ATP8A2: variants seen among roughly 807,000 people sequenced by gnomAD.
ATP8A2 encodes the protein ATPase phospholipid transporting 8A2.
A neutral mutation model predicts 165.6 loss-of-function variants in ATP8A2; 100 were observed. The ratio of observed to expected loss-of-function variants is 0.60; its 90% confidence interval spans 0.51 to 0.71. The LOEUF is 0.71. Ranked by LOEUF, ATP8A2 falls within the 30% of genes least tolerant of loss-of-function variation. The pLI, the probability that ATP8A2 is intolerant of heterozygous loss-of-function variation, is 0.00. For missense variants in ATP8A2, 1,227 were observed against 1,479.5 expected (o/e 0.83, Z 2.80); for synonymous variants, 543 against 548.8 (o/e 0.99, Z 0.15).
rs2093872 is a variant in ATP8A2, at chr13:25,954,833, C to T, written c.3184-6742C>T. On this transcript the variant is annotated intron_variant, in intron 33 of 36. Transcript: ENST00000381655. ...ACAAAAAGGATGTCCACTCAAAAACCCCATCTGAAGGTCACCAACATCAAA... is the reference window on the plus strand; with the variant it reads ...ACAAAAAGGATGTCCACTCAAAAACTCCATCTGAAGGTCACCAACATCAAA... Among the ~76,000 whole-genome samples, 277 of 152,234 alleles carry T rather than the reference C, an allele frequency of 1.8e-3. 1 individual carries two copies. The highest frequency in any genetic ancestry group is 6.3e-3 in the African/African-American group (260 of 41,532).
intron 25 of ATP8A2, among the ~76,000 whole-genome samples, chr13:25,732,281 A>G (rs1025247329): frequency 6.6e-6 from 1 of 152,226 alleles, no homozygotes; most frequent in African/African-American, 2.4e-5. Flanking sequence ...TTGGGAAAGA[A>G]TCTGTACCAG....
chr13:25,854,983 G>T (rs1164652076), intron 30 of ATP8A2, among the ~76,000 whole-genome samples: 1 of 152,152 alleles, frequency 6.6e-6, no homozygotes, highest in Admixed American at 6.5e-5. Context: ...GGGCACGGTG[G>T]CTCATGCCTG....
intron 35 of ATP8A2, among the ~76,000 whole-genome samples, chr13:25,971,657 A>G (rs1332149198): frequency 6.6e-6 from 1 of 152,108 alleles, no homozygotes; most frequent in Non-Finnish European, 1.5e-5. Flanking sequence ...GAGCTGACAC[A>G]CTGGTGCCTG....
chr13:25,759,560 G>A (rs1447457711), intron 25 of ATP8A2, among the ~76,000 whole-genome samples: 1 of 152,146 alleles, frequency 6.6e-6, no homozygotes, highest in Non-Finnish European at 1.5e-5. Flanking sequence ...GCTCCTGAGA[G>A]GGTCTTGGGG....
At chr13:25,961,893 GC>G (rs1196140351) in intron 34 of ATP8A2, among the ~76,000 whole-genome samples, 2 of 152,166 alleles carry the variant, frequency 1.3e-5, no homozygotes, top group African/African-American at 4.8e-5. Flanking sequence ...GCATGGCAGC[GC>G]ATAGCTCTAG....
At chr13:25,607,125 A>T (rs75150435) in intron 24 of ATP8A2, among the ~76,000 whole-genome samples, 1 of 152,310 alleles carries the variant, frequency 6.6e-6, no homozygotes, top group African/African-American at 2.4e-5. Flanking sequence ...CATGCTCCTT[A>T]TGAAAATTTA....
rs150962908 is a variant in ATP8A2 at position 25,564,803 on chromosome 13, C to T, written c.1473+772C>T. Among the ~76,000 whole-genome samples the T allele has an allele frequency of 3.3e-5, 5 of 152,122 alleles. No individual in the cohort carries two copies. The East Asian group carries it at 9.7e-4, about 29-fold the overall frequency. On this transcript the variant is annotated intron_variant, in intron 16 of 36. Coordinates refer to ENST00000381655, the MANE Select transcript of ATP8A2 (RefSeq NM_016529.6). ...TGAGATTTTGTGAGATTGTGGTGCA[C>T]CCGTCACCTGAGCAGTATACACTGC...
At chr13:25,513,117 C>T (rs1307961096) in intron 2 of ATP8A2, among the ~76,000 whole-genome samples, 12 of 151,746 alleles carry the variant, frequency 7.9e-5, no homozygotes, top group Non-Finnish European at 1.8e-4. Context: ...CCTCACTTCC[C>T]AGACGGGGTG....
At chr13:25,528,607 C>A (rs988901853) in intron 2 of ATP8A2, among the ~76,000 whole-genome samples, 1 of 152,164 alleles carries the variant, frequency 6.6e-6, no homozygotes, top group African/African-American at 2.4e-5. Context: ...GAGCCCTTCG[C>A]CCTTCTATTG....
intron 33 of ATP8A2, among the ~76,000 whole-genome samples, chr13:25,896,307 G>A (rs916378772): frequency 1.7e-4 from 26 of 152,286 alleles, no homozygotes; most frequent in Non-Finnish European, 3.2e-4. Context: ...AGTCATTCAG[G>A]AGCAGGTTGT....
intron 24 of ATP8A2, among the ~76,000 whole-genome samples, chr13:25,670,138 T>A (rs1254918942): frequency 6.6e-6 from 1 of 152,208 alleles, no homozygotes; most frequent in African/African-American, 2.4e-5. Context: ...CTCCTAGAGT[T>A]CTGAAAAAGC....
chr13:25,577,409 G>T lies in ATP8A2; in HGVS notation c.1782+271G>T, dbSNP rs114304834. Among the ~76,000 whole-genome samples the T allele has an allele frequency of 9.4e-3, 1,424 of 152,246 alleles. 26 individuals carry two copies. The highest frequency in any genetic ancestry group is 0.033 in the African/African-American group (1,371 of 41,528). On this transcript the variant is annotated intron_variant, in intron 20 of 36. Transcript: ENST00000381655. ...ACGTGTCATGCAAAATCCTTGAATG[G>T]GAATTCTTATTCCAGTTTTACCAGC...
intron 27 of ATP8A2, among the ~76,000 whole-genome samples, chr13:25,786,219 C>T (rs1352304468): frequency 6.6e-6 from 1 of 152,136 alleles, no homozygotes; most frequent in Non-Finnish European, 1.5e-5. Context: ...ATCTCCATTG[C>T]GTTCTAACGA....
intron 2 of ATP8A2, among the ~76,000 whole-genome samples, chr13:25,500,518 A>G (rs1445233873): frequency 2.0e-5 from 3 of 152,216 alleles, no homozygotes; most frequent in East Asian, 1.9e-4. Context: ...GAAATGAACT[A>G]AAGTGAAATG....
At chr13:25,540,189 C>G in intron 7 of ATP8A2, 130 bp from the exon 8 acceptor site, 2 of 688,836 alleles carry the variant, frequency 2.9e-6, no homozygotes, top group South Asian at 3.5e-5. Context: ...CTCCTACTAT[C>G]GTGGTTATTT....
chr13:25,450,118 G>A (rs949513581), intron 1 of ATP8A2, among the ~76,000 whole-genome samples: 14 of 152,076 alleles, frequency 9.2e-5, no homozygotes, highest in African/African-American at 3.4e-4. Flanking sequence ...AAGGATAATG[G>A]CCTCAAGCTC....
intron 25 of ATP8A2, among the ~76,000 whole-genome samples, chr13:25,731,271 G>A (rs1248640121): frequency 7.1e-6 from 1 of 140,876 alleles, no homozygotes; most frequent in African/African-American, 2.6e-5. Context: ...GAAGCGGGAG[G>A]AAGAAAAAGA....
intron 24 of ATP8A2, among the ~76,000 whole-genome samples, chr13:25,619,126 G>A (rs1320141774): frequency 1.4e-4 from 21 of 152,266 alleles, no homozygotes; most frequent in Admixed American, 1.3e-3. Flanking sequence ...AGGCGAGAAC[G>A]GCCTTGGATG....
intron 25 of ATP8A2, among the ~76,000 whole-genome samples, chr13:25,768,092 G>T (rs2044533866): frequency 7.6e-6 from 1 of 131,956 alleles, no homozygotes; most frequent in African/African-American, 2.8e-5. Context: ...GGGGGTGGTG[G>T]GGGGGCAAGT....
Sources: allele counts gnomAD v4.1 joint callset (sites outside exome capture counted in the v4.1 genomes callset), GRCh38; gene constraint gnomAD v4.1.1; transcripts MANE v1.5; gene names NCBI Gene and HGNC (gene_info 2026-07-23, HGNC 2026-07-21).